SLIT3: variants seen among roughly 807,000 people sequenced by gnomAD.
SLIT3 encodes slit guidance ligand 3.
Under a neutral mutation model 184.0 loss-of-function variants are expected in SLIT3, and 68 were observed. The ratio of observed to expected loss-of-function variants is 0.37; its 90% confidence interval spans 0.30 to 0.45. The LOEUF is 0.45. Ranked by LOEUF, SLIT3 falls within the 20% of genes least tolerant of loss-of-function variation. SLIT3 has a pLI of 1.00. For missense variants in SLIT3, 1,707 were observed against 2,026.0 expected, an observed-to-expected ratio of 0.84 and a Z score of 3.02; for synonymous variants, 831 against 828.6, an observed-to-expected ratio of 1.00 and a Z score of -0.05.
At chr5:169,011,297 T>TA (rs1242698964) in intron 4 of SLIT3, among the ~76,000 whole-genome samples, 2 of 152,144 alleles carry the variant, frequency 1.3e-5, no homozygotes, top group Admixed American at 1.3e-4. Flanking sequence ...CTCCAGTGTG[T>TA]AAAAAAGCCA....
chr5:169,173,760 C>G (rs1472535368), intron 4 of SLIT3, among the ~76,000 whole-genome samples: 1 of 152,204 alleles, frequency 6.6e-6, no homozygotes, highest in Admixed American at 6.5e-5. Context: ...CTTGAAGAAG[C>G]CTGGTACTCT....
At chr5:168,732,512 C>T (rs1763316763) in intron 20 of SLIT3, among the ~76,000 whole-genome samples, 1 of 151,982 alleles carries the variant, frequency 6.6e-6, no homozygotes, top group South Asian at 2.1e-4. Flanking sequence ...CAAATAGCCA[C>T]AGCAATCCTG....
rs150219482 is a variant in SLIT3 at position 169,101,582 on chromosome 5, C to T, written c.413+91897G>A. On this transcript the variant is annotated intron_variant, in intron 4 of 35. Coordinates refer to ENST00000519560, the MANE Select transcript of SLIT3 (RefSeq NM_003062.4). The stretch of plus-strand genomic sequence containing the variant: ...ACACCTTGCCTCCTCAATTCATTCT[C>T]CACAACAAAGCTGGAAAGAACTTCC... Among the ~76,000 whole-genome samples the T allele has an allele frequency of 4.6e-3, 706 of 152,324 alleles. 6 individuals are homozygous for T. The highest frequency in any genetic ancestry group is 0.016 in the African/African-American group (678 of 41,574).
chr5:169,179,332 G>C (rs576604246), intron 4 of SLIT3, among the ~76,000 whole-genome samples: 1 of 137,008 alleles, frequency 7.3e-6, no homozygotes, highest in Non-Finnish European at 1.6e-5. Flanking sequence ...AGTCTCCACA[G>C]GTTATTTTTG....
chr5:169,015,150 C>G (rs893109410), intron 4 of SLIT3, among the ~76,000 whole-genome samples: 6 of 152,040 alleles, frequency 3.9e-5, no homozygotes, highest in African/African-American at 1.4e-4. Context: ...ATATTTGGCT[C>G]AGCCTGGTTT....
chr5:168,875,796 A>G (rs7719274), intron 5 of SLIT3, among the ~76,000 whole-genome samples: 36,460 of 151,776 alleles, frequency 0.24, 5,036 homozygotes, highest in African/African-American at 0.38. Flanking sequence ...AAAGGAAGGG[A>G]AAGAGAAGGG....
intron 4 of SLIT3, among the ~76,000 whole-genome samples, chr5:169,070,638 T>C (rs868774570): frequency 1.3e-5 from 2 of 151,956 alleles, no homozygotes; most frequent in Non-Finnish European, 2.9e-5. Context: ...GAGGACCAAG[T>C]GTTCGGTTCA....
chr5:168,932,241 T>C, intron 4 of SLIT3, among the ~76,000 whole-genome samples: 1 of 140,796 alleles, frequency 7.1e-6, no homozygotes, highest in Non-Finnish European at 1.5e-5. Context: ...CTGACACAGT[T>C]TTTTTGTTGT....
At chr5:168,811,624 T>G (rs1245064617) in intron 8 of SLIT3, among the ~76,000 whole-genome samples, 1 of 152,206 alleles carries the variant, frequency 6.6e-6, no homozygotes, top group East Asian at 1.9e-4. Context: ...AGAGCAGTGT[T>G]TCTTTCTTTC....
At chr5:168,711,333 C>A (rs1036641648) in intron 24 of SLIT3, among the ~76,000 whole-genome samples, 1 of 152,164 alleles carries the variant, frequency 6.6e-6, no homozygotes, top group Non-Finnish European at 1.5e-5. Context: ...TCAACCCCAT[C>A]CTAGCTCCTT....
chr5:169,298,123 TAC>T (rs1767569159), intron 1 of SLIT3, among the ~76,000 whole-genome samples: 1 of 152,150 alleles, frequency 6.6e-6, no homozygotes. Flanking sequence ...AGCTTGCTCC[TAC>T]AGACTGTCCC....
chr5:168,896,378 A>C (rs1760663901), intron 4 of SLIT3, among the ~76,000 whole-genome samples: 1 of 152,124 alleles, frequency 6.6e-6, no homozygotes. Flanking sequence ...CTCATAAAAA[A>C]CCAGCACTGG....
At chr5:169,078,744 G>A (rs1306978155) in intron 4 of SLIT3, among the ~76,000 whole-genome samples, 1 of 152,198 alleles carries the variant, frequency 6.6e-6, no homozygotes, top group East Asian at 1.9e-4. Flanking sequence ...AGTGTGGTAG[G>A]TGATATGTAT....
intron 5 of SLIT3, among the ~76,000 whole-genome samples, chr5:168,846,924 G>A (rs1758493147): frequency 8.5e-6 from 1 of 118,112 alleles, no homozygotes; most frequent in East Asian, 2.5e-4. Flanking sequence ...AAACCAAAGT[G>A]GGAGAAAGAG....
chr5:169,011,349 G>A (rs180936144), intron 4 of SLIT3, among the ~76,000 whole-genome samples: 1 of 152,302 alleles, frequency 6.6e-6, no homozygotes, highest in African/African-American at 2.4e-5. Flanking sequence ...ACCATAGTAA[G>A]TCTCCACTGC....
At chr5:169,246,265 T>C (rs551370128) in intron 2 of SLIT3, among the ~76,000 whole-genome samples, 1 of 152,340 alleles carries the variant, frequency 6.6e-6, no homozygotes, top group South Asian at 2.1e-4. Flanking sequence ...TCTGCTCTGC[T>C]TCTCACATTT....
intron 3 of SLIT3, among the ~76,000 whole-genome samples, chr5:169,222,672 A>G (rs1764651636): frequency 6.6e-6 from 1 of 152,256 alleles, no homozygotes; most frequent in Non-Finnish European, 1.5e-5. Context: ...ACTTACTCTT[A>G]GTAAAACAAC....
At chr5:169,165,725 CA>C (rs11361648) in intron 4 of SLIT3, among the ~76,000 whole-genome samples, 4,150 of 152,200 alleles carry the variant, frequency 0.027, 173 homozygotes, top group East Asian at 0.086. Context: ...CTTCCACCCC[CA>C]AAGACAATTG....
chr5:168,661,860 G>C lies in SLIT3; in HGVS notation c.*4594C>G, dbSNP rs1760864301. On this transcript the variant is annotated 3_prime_UTR_variant, in exon 36 of 36. Transcript: ENST00000519560. ...ATGCATGTTATTTATTCCATACTGG[G>C]GAAGTGCCACTATAACATTGTTTTA... 1 of 152,136 alleles carries C rather than the reference G, an allele frequency of 6.6e-6. No homozygotes were observed. Among genetic ancestry groups the C allele is most frequent in the African/African-American group, 2.4e-5 (1 of 41,428 alleles). 9.4% of individuals were successfully genotyped at this position (152,136 alleles called of 1,614,324 possible).
Sources: gnomAD v4.1 joint callset for allele counts (sites outside exome capture counted in the v4.1 genomes callset) on GRCh38, gnomAD v4.1.1 for gene constraint, MANE v1.5 for transcripts, NCBI Gene and HGNC (gene_info 2026-07-23, HGNC 2026-07-21) for gene names.